Variants in DNAJC1 observed in about 807,000 individuals in gnomAD.
The protein encoded by DNAJC1 is DnaJ heat shock protein family (Hsp40) member C1, also known as dnaJ homolog subfamily C member 1.
A neutral mutation model predicts 76.6 loss-of-function variants in DNAJC1; 58 were observed. The observed-to-expected ratio is 0.76, with a 90% confidence interval of 0.61 to 0.94. DNAJC1 has a LOEUF of 0.94. Among genes scored for constraint, DNAJC1 ranks in the 40% least tolerant of loss-of-function variants. The pLI is 0.00. For missense variants in DNAJC1, 689 were observed against 677.3 expected (o/e 1.02, Z -0.19); for synonymous variants, 258 against 267.9 (o/e 0.96, Z 0.36).
chr10:21,798,006 C>T (rs1834767533), intron 9 of DNAJC1, among the ~76,000 whole-genome samples: 1 of 152,138 alleles, frequency 6.6e-6, no homozygotes, highest in Non-Finnish European at 1.5e-5. Context: ...TTTTAAAAAT[C>T]AAGGTCATGC....
At chr10:21,834,218 C>T (rs1451628995) in intron 8 of DNAJC1, among the ~76,000 whole-genome samples, 1 of 151,778 alleles carries the variant, frequency 6.6e-6, no homozygotes, top group African/African-American at 2.4e-5. Context: ...GAGCTGAGAT[C>T]GTGCCACTGC....
intron 8 of DNAJC1, among the ~76,000 whole-genome samples, chr10:21,871,626 T>C (rs1836106133): frequency 6.6e-6 from 1 of 152,064 alleles, no homozygotes; most frequent in Admixed American, 6.6e-5. Flanking sequence ...ATTTATAACA[T>C]TTAAAATGTC....
At chr10:21,912,207 T>A (rs962641111) in intron 6 of DNAJC1, among the ~76,000 whole-genome samples, 3 of 152,130 alleles carry the variant, frequency 2.0e-5, no homozygotes. Context: ...TATTTTAATA[T>A]TTATTTTCAT....
intron 1 of DNAJC1, among the ~76,000 whole-genome samples, chr10:21,977,706 TTTAAG>T (rs1243085067): frequency 9.2e-5 from 14 of 152,254 alleles, no homozygotes; most frequent in Middle Eastern, 3.4e-3. Context: ...CCAATACATA[TTTAAG>T]TTAAGAGTCA....
chr10:21,998,586 A>C (rs1183874670), intron 1 of DNAJC1, among the ~76,000 whole-genome samples: 1 of 152,062 alleles, frequency 6.6e-6, no homozygotes, highest in African/African-American at 2.4e-5. Context: ...TCTCCTCTGA[A>C]AAGATGCAAT....
At chr10:21,946,648 G>A (rs904231895) in intron 1 of DNAJC1, among the ~76,000 whole-genome samples, 14 of 152,028 alleles carry the variant, frequency 9.2e-5, no homozygotes, top group African/African-American at 2.4e-5. Context: ...CAATGATAGG[G>A]CAATTTCATT....
intron 6 of DNAJC1, among the ~76,000 whole-genome samples, chr10:21,910,599 G>A (rs1836838734): frequency 6.6e-6 from 1 of 152,000 alleles, no homozygotes; most frequent in Non-Finnish European, 1.5e-5. Context: ...CTCATAAGTG[G>A]GAGCTGAAAA....
chr10:21,830,903 T>C (rs926403927), intron 8 of DNAJC1, among the ~76,000 whole-genome samples: 1 of 152,342 alleles, frequency 6.6e-6, no homozygotes, highest in Middle Eastern at 3.4e-3. Flanking sequence ...GTTCTTTTTT[T>C]CATATCCTGT....
chr10:21,958,584 GC>G (rs1837733940), intron 1 of DNAJC1, among the ~76,000 whole-genome samples: 1 of 151,988 alleles, frequency 6.6e-6, no homozygotes, highest in Non-Finnish European at 1.5e-5. Flanking sequence ...GTGCCACCAC[GC>G]CCAGCTAATT....
chr10:21,817,131 G>A (rs948337216), intron 8 of DNAJC1, among the ~76,000 whole-genome samples: 1 of 122,202 alleles, frequency 8.2e-6, no homozygotes, highest in Non-Finnish European at 1.6e-5. Context: ...CTGCACTCCA[G>A]CATGGGCTAC....
chr10:21,826,357 T>A (rs1055668789), intron 8 of DNAJC1, among the ~76,000 whole-genome samples: 3 of 152,126 alleles, frequency 2.0e-5, no homozygotes, highest in Non-Finnish European at 2.9e-5. Flanking sequence ...AGTCTCACTA[T>A]GTTGCCCAGG....
chr10:21,775,331 C>CTTTTTTTTTTTTTTTTTATTTTT (rs1834440385), intron 9 of DNAJC1, among the ~76,000 whole-genome samples: 1 of 49,668 alleles, frequency 2.0e-5, no homozygotes, highest in Non-Finnish European at 3.8e-5. Flanking sequence ...CTGCAAATGG[C>CTTTTTTTTTTTTTTTTTATTTTT]TTTTTTTTTT....
chr10:21,809,849 T>C (rs1051603791), intron 8 of DNAJC1, among the ~76,000 whole-genome samples: 10 of 152,110 alleles, frequency 6.6e-5, no homozygotes, highest in African/African-American at 2.4e-4. Context: ...TCAAATGTCT[T>C]TTTACTCTTA....
At position 21,798,593 on chromosome 10, in the gene DNAJC1, CCTTCACTTGCTTTG is replaced by C. The variant is rs376037447; in HGVS notation, c.1098+7373_1098+7386del. On this transcript the variant is annotated intron_variant, in intron 9 of 11. Transcript: ENST00000376980. ...ATGCTCCTTCTCAGACAACCTTGCT[CCTTCACTTGCTTTG>C]TACCTCTGCTCAAATACTACCTCTC... 3.9e-3 allele frequency among the ~76,000 whole-genome samples: 593 copies of C among 152,328 alleles called. 6 individuals are homozygous for C. The highest frequency in any genetic ancestry group is 0.014 in the African/African-American group (562 of 41,570).
intron 1 of DNAJC1, among the ~76,000 whole-genome samples, chr10:21,973,430 T>C (rs1170588806): frequency 2.6e-5 from 4 of 152,188 alleles, no homozygotes; most frequent in African/African-American, 2.4e-5. Context: ...AAATGTTCTA[T>C]TAAATACCAA....
chr10:21,817,058 G>A (rs1201861864), intron 8 of DNAJC1, among the ~76,000 whole-genome samples: 2 of 148,190 alleles, frequency 1.3e-5, no homozygotes, highest in Non-Finnish European at 3.0e-5. Flanking sequence ...TACTCAGGAG[G>A]CTGAGGCAGG....
At chr10:21,940,662 C>T (rs905672189) in intron 1 of DNAJC1, among the ~76,000 whole-genome samples, 1 of 152,062 alleles carries the variant, frequency 6.6e-6, no homozygotes, top group Non-Finnish European at 1.5e-5. Flanking sequence ...GTTGGATACA[C>T]CTCTGTCCTC....
intron 10 of DNAJC1, among the ~76,000 whole-genome samples, chr10:21,760,562 C>G (rs545064981): frequency 1.2e-4 from 19 of 152,146 alleles, no homozygotes; most frequent in Admixed American, 3.3e-4. Flanking sequence ...GGACACGGGG[C>G]GTGGGAGCAG....
rs549286249 is a variant in DNAJC1 at position 21,971,983 on chromosome 10, C to T, written c.222+31230G>A. Among the ~76,000 whole-genome samples the T allele has an allele frequency of 7.1e-4, 108 of 151,948 alleles. 1 individual carries two copies. The highest frequency in any genetic ancestry group is 2.5e-3 in the Admixed American group (38 of 15,280). Reference sequence around the variant, plus strand: ...CTCACCCTCTCTCACCCCACTTTTCCTTTATCCTCTTTATTTTGTATATAT... The same window carrying T: ...CTCACCCTCTCTCACCCCACTTTTCTTTTATCCTCTTTATTTTGTATATAT... On this transcript the variant is annotated intron_variant, in intron 1 of 11. Coordinates refer to ENST00000376980, the MANE Select transcript of DNAJC1 (RefSeq NM_022365.4).
Sources: allele counts gnomAD v4.1 joint callset (sites outside exome capture counted in the v4.1 genomes callset), GRCh38; gene constraint gnomAD v4.1.1; transcripts MANE v1.5; gene names NCBI Gene and HGNC (gene_info 2026-07-23, HGNC 2026-07-21).